Variants in SLC35F1 observed in about 807,000 individuals in gnomAD.
The protein encoded by SLC35F1 is chromosome 6 open reading frame 169.
In SLC35F1, 14 loss-of-function variants were observed where a neutral mutation model predicts 48.7. That is an observed-to-expected ratio of 0.29 (90% CI 0.19 to 0.45). SLC35F1 has a LOEUF of 0.45. Ranked by LOEUF, SLC35F1 falls within the 20% of genes least tolerant of loss-of-function variation. The probability of loss-of-function intolerance (pLI) is 1.00; values close to 1 mark genes in which losing one functional copy is unlikely to be tolerated. For synonymous variants in SLC35F1, 190 were observed against 202.2 expected, an observed-to-expected ratio of 0.94 and a Z score of 0.51; for missense variants, 404 against 500.0, an observed-to-expected ratio of 0.81 and a Z score of 1.83.
intron 1 of SLC35F1, among the ~76,000 whole-genome samples, chr6:118,021,518 A>T (rs987570000): frequency 3.3e-5 from 5 of 152,210 alleles, no homozygotes; most frequent in Admixed American, 1.3e-4. Flanking sequence ...CACAGTGAAC[A>T]GCTACATAGC....
At chr6:118,034,457 C>G (rs1486230515) in intron 1 of SLC35F1, among the ~76,000 whole-genome samples, 1 of 152,024 alleles carries the variant, frequency 6.6e-6, no homozygotes, top group East Asian at 1.9e-4. Context: ...ATTCAGGAGG[C>G]TGAGGAAGAA....
intron 1 of SLC35F1, among the ~76,000 whole-genome samples, chr6:117,920,954 T>C (rs1775890242): frequency 6.6e-6 from 1 of 152,056 alleles, no homozygotes; most frequent in Non-Finnish European, 1.5e-5. Flanking sequence ...TAATGTGTTA[T>C]ATATGTTATT....
chr6:118,112,076 T>TTC lies in SLC35F1; in HGVS notation c.174-42368_174-42367insCT, dbSNP rs1235735560. Among the ~76,000 whole-genome samples the TTC allele has an allele frequency of 4.4e-3, 619 of 140,434 alleles. 14 individuals are homozygous for TTC. The highest frequency in any genetic ancestry group is 0.015 in the African/African-American group (541 of 35,266). 92.1% of individuals were successfully genotyped at this position (140,434 alleles called of 152,430 possible). On this transcript the variant is annotated intron_variant, in intron 1 of 7. Coordinates refer to ENST00000360388, the MANE Select transcript of SLC35F1 (RefSeq NM_001029858.4). ...CCTTTCTTTCTTTCTTTCTTTTTCT[T>TTC]TATTTCTTTCTTTTCTTTTCTTTTC...
intron 2 of SLC35F1, among the ~76,000 whole-genome samples, chr6:118,169,535 A>G (rs1774369080): frequency 6.6e-6 from 1 of 152,266 alleles, no homozygotes; most frequent in Non-Finnish European, 1.5e-5. Flanking sequence ...TCCCAACACT[A>G]TGAGACCCTT....
At chr6:118,197,485 C>T (rs1774817642) in intron 2 of SLC35F1, among the ~76,000 whole-genome samples, 1 of 152,200 alleles carries the variant, frequency 6.6e-6, no homozygotes, top group African/African-American at 2.4e-5. Context: ...TACAGAGGCT[C>T]AGACAAACTC....
intron 1 of SLC35F1, among the ~76,000 whole-genome samples, chr6:118,069,907 C>T (rs565405223): frequency 6.6e-6 from 1 of 151,686 alleles, no homozygotes; most frequent in Non-Finnish European, 1.5e-5. Flanking sequence ...GAGGCCGAGG[C>T]GGGTGGATCA....
intron 1 of SLC35F1, among the ~76,000 whole-genome samples, chr6:117,991,416 C>A (rs1776918250): frequency 1.3e-5 from 2 of 152,078 alleles, no homozygotes; most frequent in African/African-American, 2.4e-5. Flanking sequence ...ACTTCTAGGG[C>A]TTTCTTATAT....
chr6:118,197,486 A>C (rs1487435537), intron 2 of SLC35F1, among the ~76,000 whole-genome samples: 1 of 152,248 alleles, frequency 6.6e-6, no homozygotes, highest in Non-Finnish European at 1.5e-5. Flanking sequence ...ACAGAGGCTC[A>C]GACAAACTCT....
intron 2 of SLC35F1, among the ~76,000 whole-genome samples, chr6:118,154,961 T>C (rs960496817): frequency 2.0e-5 from 3 of 152,162 alleles, no homozygotes; most frequent in Non-Finnish European, 4.4e-5. Flanking sequence ...ATATTCTAAA[T>C]AATGCTTGCT....
At position 118,316,429 on chromosome 6, in the gene SLC35F1, C is replaced by T. The variant is rs572959692; in HGVS notation, c.*2177C>T. On this transcript the variant is annotated 3_prime_UTR_variant, in exon 8 of 8. Transcript: ENST00000360388. ...TCTGAATATTTTGTCCATTCAGATCCGAAGACCTTTAAAGACTGTGGTTTT... is the reference window on the plus strand; with the variant it reads ...TCTGAATATTTTGTCCATTCAGATCTGAAGACCTTTAAAGACTGTGGTTTT... 5.7e-4 allele frequency: 87 copies of T among 152,704 alleles called. No individual in the cohort carries two copies. Among genetic ancestry groups the T allele is most frequent in the African/African-American group, 1.7e-3 (72 of 41,544 alleles). The allele number at this position is 152,704 out of a possible 1,614,324, so 9.5% of individuals were successfully genotyped here. A position where few individuals can be genotyped will look rare whatever the true frequency, so the allele number is the denominator to read the frequency against.
At chr6:118,102,358 AT>A (rs1221314313) in intron 1 of SLC35F1, among the ~76,000 whole-genome samples, 3 of 151,830 alleles carry the variant, frequency 2.0e-5, no homozygotes, top group South Asian at 2.1e-4. Flanking sequence ...TAAGTTTTAA[AT>A]TTTTTTTAGA....
intron 1 of SLC35F1, among the ~76,000 whole-genome samples, chr6:117,908,186 C>CAA (rs1384971393): frequency 6.6e-6 from 1 of 152,148 alleles, no homozygotes; most frequent in East Asian, 1.9e-4. Flanking sequence ...TGTCCGCACT[C>CAA]ACACCCTCCA....
chr6:118,192,769 C>T (rs205931), intron 2 of SLC35F1, among the ~76,000 whole-genome samples: 5,588 of 152,180 alleles, frequency 0.037, 174 homozygotes, highest in African/African-American at 0.076. Context: ...TCCCTTATAA[C>T]TTAACATGTC....
intron 4 of SLC35F1, among the ~76,000 whole-genome samples, chr6:118,267,821 T>A (rs148247700): frequency 6.6e-6 from 1 of 152,186 alleles, no homozygotes; most frequent in East Asian, 1.9e-4. Context: ...TTGCTGTGAA[T>A]CTGCTGGGGG....
intron 1 of SLC35F1, among the ~76,000 whole-genome samples, chr6:118,027,389 C>G (rs1269817825): frequency 6.6e-6 from 1 of 152,022 alleles, no homozygotes; most frequent in Admixed American, 6.6e-5. Flanking sequence ...GTGGCTGTAC[C>G]CTTTTGTATT....
intron 1 of SLC35F1, among the ~76,000 whole-genome samples, chr6:118,136,781 C>T (rs1050684446): frequency 3.3e-5 from 5 of 152,154 alleles, no homozygotes. Context: ...ACTAGTGCCT[C>T]TCATCTCTCT....
chr6:118,292,160 C>G (rs1776131889), intron 7 of SLC35F1, among the ~76,000 whole-genome samples: 1 of 151,384 alleles, frequency 6.6e-6, no homozygotes, highest in Admixed American at 6.6e-5. Flanking sequence ...GATACTGATG[C>G]TTGGGTTCCC....
At chr6:117,936,650 T>A (rs1002489524) in intron 1 of SLC35F1, among the ~76,000 whole-genome samples, 7 of 152,204 alleles carry the variant, frequency 4.6e-5, no homozygotes, top group Non-Finnish European at 7.3e-5. Flanking sequence ...ATTTTTGGTA[T>A]TTTTAGGAAA....
At chr6:118,140,326 C>A (rs2114441051) in intron 1 of SLC35F1, among the ~76,000 whole-genome samples, 1 of 152,236 alleles carries the variant, frequency 6.6e-6, no homozygotes, top group East Asian at 1.9e-4. Context: ...ACAGTGGTCC[C>A]ATAAGATTTT....
Sources: allele counts gnomAD v4.1 joint callset (sites outside exome capture counted in the v4.1 genomes callset), GRCh38; gene constraint gnomAD v4.1.1; transcripts MANE v1.5; gene names NCBI Gene and HGNC (gene_info 2026-07-23, HGNC 2026-07-21).